BICD1: variants seen among roughly 807,000 people sequenced by gnomAD.
BICD1 encodes the protein protein bicaudal D homolog 1.
Under a neutral mutation model 92.5 loss-of-function variants are expected in BICD1, and 35 were observed. The ratio of observed to expected loss-of-function variants is 0.38; its 90% CI spans 0.29 to 0.50. The LOEUF (loss-of-function observed/expected upper bound fraction) is 0.50, where lower values mean the gene tolerates loss of function less well. Among genes scored for constraint, BICD1 ranks in the 20% least tolerant of loss-of-function variants. The probability of loss-of-function intolerance (pLI) is 0.93; values close to 1 mark genes in which losing one functional copy is unlikely to be tolerated. For missense variants in BICD1, 950 were observed against 1,189.8 expected (o/e 0.80, Z 2.97); for synonymous variants, 429 against 465.1 (o/e 0.92, Z 1.00).
intron 1 of BICD1, among the ~76,000 whole-genome samples, chr12:32,132,035 G>A (rs552094087): frequency 1.3e-5 from 2 of 152,292 alleles, no homozygotes; most frequent in Non-Finnish European, 2.9e-5. Context: ...TGAATCCCAA[G>A]TGGTCAGAAG....
At chr12:32,281,471 C>T (rs1363465621) in intron 2 of BICD1, among the ~76,000 whole-genome samples, 1 of 152,156 alleles carries the variant, frequency 6.6e-6, no homozygotes, top group African/African-American at 2.4e-5. Context: ...TATTGGCTGG[C>T]ACCACAGAGA....
At chr12:32,311,824 G>T (rs187880986) in intron 4 of BICD1, among the ~76,000 whole-genome samples, 1 of 152,204 alleles carries the variant, frequency 6.6e-6, no homozygotes, top group Admixed American at 6.5e-5. Context: ...AAAACAAAGC[G>T]GGGAAAGGGG....
intron 2 of BICD1, among the ~76,000 whole-genome samples, chr12:32,233,361 T>G (rs887685799): frequency 9.4e-5 from 14 of 148,928 alleles, no homozygotes; most frequent in Non-Finnish European, 1.8e-4. Flanking sequence ...ACATATTCCC[T>G]TTACTGTTTT....
intron 1 of BICD1, among the ~76,000 whole-genome samples, chr12:32,161,043 A>G (rs1161937071): frequency 6.6e-6 from 1 of 152,208 alleles, no homozygotes; most frequent in Non-Finnish European, 1.5e-5. Context: ...ATGACACACT[A>G]ATATCTAATA....
chr12:32,342,293 C>T (rs1424802327), intron 8 of BICD1, among the ~76,000 whole-genome samples: 1 of 144,188 alleles, frequency 6.9e-6, no homozygotes, highest in African/African-American at 2.6e-5. Flanking sequence ...TTTCCTCTGT[C>T]ACCCAGGCTG....
At chr12:32,248,989 G>A (rs1329184771) in intron 2 of BICD1, among the ~76,000 whole-genome samples, 2 of 152,124 alleles carry the variant, frequency 1.3e-5, no homozygotes, top group African/African-American at 4.8e-5. Context: ...TTCCACTGCG[G>A]GCATGTTTAG....
At chr12:32,145,695 G>A (rs1327454574) in intron 1 of BICD1, among the ~76,000 whole-genome samples, 1 of 152,210 alleles carries the variant, frequency 6.6e-6, no homozygotes. Flanking sequence ...GGGAGAGGAA[G>A]TCTTTCAGTT....
At chr12:32,122,203 T>C (rs921010371) in intron 1 of BICD1, among the ~76,000 whole-genome samples, 1 of 151,980 alleles carries the variant, frequency 6.6e-6, no homozygotes, top group African/African-American at 2.4e-5. Flanking sequence ...TCCCAGCACT[T>C]TGGGAGGCCG....
chr12:32,285,723 A>G (rs11051901), intron 2 of BICD1, among the ~76,000 whole-genome samples: 9,045 of 152,188 alleles, frequency 0.059, 886 homozygotes, highest in African/African-American at 0.21. Context: ...GGAGGTGAAA[A>G]GCTAAAGCAT....
chr12:32,243,821 C>T (rs532131257), intron 2 of BICD1, among the ~76,000 whole-genome samples: 1 of 152,208 alleles, frequency 6.6e-6, no homozygotes, highest in African/African-American at 2.4e-5. Flanking sequence ...TCATTTCTAC[C>T]TGTTTTCGTG....
rs1565709406 is a variant in BICD1, at chr12:32,380,624, G to C, written c.*2997G>C. 1 of 152,116 alleles carries C rather than the reference G, an allele frequency of 6.6e-6. No homozygotes were observed. The highest frequency in any genetic ancestry group is 1.5e-5 in the Non-Finnish European group (1 of 67,982). The allele number at this position is 152,116 out of a possible 1,614,324, so 9.4% of individuals were successfully genotyped here. On this transcript the variant is annotated 3_prime_UTR_variant, in exon 10 of 10. Transcript: ENST00000652176. Reference sequence around the variant, plus strand: ...ATAAATTGTCTTTGGCCTGAGTGCTGAGTGGCATAAATAAAGGAGCTTGGC... The same window carrying C: ...ATAAATTGTCTTTGGCCTGAGTGCTCAGTGGCATAAATAAAGGAGCTTGGC...
intron 8 of BICD1, among the ~76,000 whole-genome samples, chr12:32,344,536 T>C (rs1379259691): frequency 6.6e-6 from 1 of 152,122 alleles, no homozygotes; most frequent in Non-Finnish European, 1.5e-5. Context: ...GTACAGAGAC[T>C]CATAAAATAT....
intron 3 of BICD1, among the ~76,000 whole-genome samples, chr12:32,299,969 C>G (rs1481225874): frequency 1.3e-5 from 2 of 152,222 alleles, no homozygotes; most frequent in Admixed American, 6.5e-5. Flanking sequence ...GTCACATGAT[C>G]TCTCTTGCGA....
chr12:32,196,207 G>A (rs1034524983), intron 1 of BICD1, among the ~76,000 whole-genome samples: 1 of 152,108 alleles, frequency 6.6e-6, no homozygotes, highest in African/African-American at 2.4e-5. Flanking sequence ...ATATCAATTT[G>A]TACAGGAATT....
intron 2 of BICD1, among the ~76,000 whole-genome samples, chr12:32,235,035 G>C (rs73310708): frequency 0.034 from 5,210 of 152,220 alleles, 335 homozygotes; most frequent in African/African-American, 0.12. Context: ...CCAGCCTACA[G>C]TAGATTATAG....
chr12:32,237,631 GA>G (rs1946110926), intron 2 of BICD1, among the ~76,000 whole-genome samples: 1 of 152,132 alleles, frequency 6.6e-6, no homozygotes, highest in South Asian at 2.1e-4. Flanking sequence ...CCTTAAGAAT[GA>G]TACTAAATGT....
At chr12:32,292,418 T>C (rs935672476) in intron 2 of BICD1, among the ~76,000 whole-genome samples, 1 of 152,226 alleles carries the variant, frequency 6.6e-6, no homozygotes, top group Non-Finnish European at 1.5e-5. Context: ...TCTAATGATC[T>C]CATTTTAATT....
rs572454982 is a variant in BICD1 at position 32,256,957 on chromosome 12, G to A, written c.427-37037G>A. Among the ~76,000 whole-genome samples the A allele has an allele frequency of 3.2e-4, 49 of 152,302 alleles. No homozygotes were observed. In the South Asian group the frequency reaches 9.5e-3, roughly 30 times the overall value. On this transcript the variant is annotated intron_variant, in intron 2 of 9. Coordinates refer to ENST00000652176, the MANE Select transcript of BICD1 (RefSeq NM_001714.4). ...TGGCTGGGTGTAGTGGCTCACGCCT[G>A]TAATACCAGCACTTTGAGAGGCCAA...
intron 1 of BICD1, among the ~76,000 whole-genome samples, chr12:32,160,402 T>C (rs1366727343): frequency 6.6e-6 from 1 of 152,212 alleles, no homozygotes; most frequent in Non-Finnish European, 1.5e-5. Context: ...AAAAATTCTA[T>C]TGTATACTTT....
Sources: gnomAD v4.1 joint callset for allele counts (sites outside exome capture counted in the v4.1 genomes callset) on GRCh38, gnomAD v4.1.1 for gene constraint, MANE v1.5 for transcripts, NCBI Gene and HGNC (gene_info 2026-07-23, HGNC 2026-07-21) for gene names.